STK3: variants seen among roughly 807,000 people sequenced by gnomAD.
The protein encoded by STK3 is serine/threonine-protein kinase 3.
A neutral mutation model predicts 58.0 loss-of-function variants in STK3; 41 were observed. That is an observed-to-expected ratio of 0.71 (90% CI 0.55 to 0.92). The LOEUF is 0.92. Among genes scored for constraint, STK3 ranks in the 40% least tolerant of loss-of-function variants. STK3 has a pLI of 0.00. For missense variants in STK3, 479 were observed against 602.7 expected (o/e 0.79, Z 2.15); for synonymous variants, 170 against 191.0 (o/e 0.89, Z 0.91).
intron 10 of STK3, among the ~76,000 whole-genome samples, chr8:98,502,677 A>G (rs532923454): frequency 1.3e-5 from 2 of 152,188 alleles, no homozygotes; most frequent in African/African-American, 4.8e-5. Flanking sequence ...GGTTTTTGTC[A>G]TTGATTCTGT....
intron 3 of STK3, among the ~76,000 whole-genome samples, chr8:98,873,770 C>T (rs1485114837): frequency 1.3e-5 from 2 of 152,108 alleles, no homozygotes; most frequent in African/African-American, 2.4e-5. Context: ...AAATACAGCA[C>T]ACTGATGGGT....
At chr8:98,754,758 C>T (rs963582326) in intron 3 of STK3, among the ~76,000 whole-genome samples, 3 of 152,072 alleles carry the variant, frequency 2.0e-5, no homozygotes, top group Non-Finnish European at 4.4e-5. Flanking sequence ...GTTCTGCCTG[C>T]CTCAGCTTCC....
At chr8:98,609,461 A>C (rs937067444) in intron 6 of STK3, among the ~76,000 whole-genome samples, 5 of 152,216 alleles carry the variant, frequency 3.3e-5, no homozygotes, top group Admixed American at 3.3e-4. Context: ...TGCATTAGCT[A>C]TAACAATAAA....
At chr8:98,517,038 T>C (rs949302217) in intron 10 of STK3, among the ~76,000 whole-genome samples, 1 of 152,028 alleles carries the variant, frequency 6.6e-6, no homozygotes, top group African/African-American at 2.4e-5. Context: ...AATTTCAACA[T>C]GCACCATTAC....
intron 1 of STK3, among the ~76,000 whole-genome samples, chr8:98,918,549 C>A (rs1218972293): frequency 1.3e-5 from 2 of 152,028 alleles, no homozygotes; most frequent in African/African-American, 2.4e-5. Context: ...GCAGGAGGAC[C>A]GCTTGAGCCT....
chr8:98,426,927 G>T (rs1474454186), intron 3 of STK3: 11 of 151,500 alleles, frequency 7.3e-5, no homozygotes, highest in Admixed American at 2.6e-4. Context: ...CCCGGGCGGC[G>T]GCCGAGGCAC....
intron 6 of STK3, among the ~76,000 whole-genome samples, chr8:98,661,180 A>T (rs181954473): frequency 6.6e-6 from 1 of 151,530 alleles, no homozygotes; most frequent in South Asian, 2.1e-4. Context: ...TAAATACTGA[A>T]CCTGTTTTAA....
intron 10 of STK3, among the ~76,000 whole-genome samples, chr8:98,462,242 G>C (rs1820046461): frequency 1.3e-5 from 2 of 152,104 alleles, no homozygotes; most frequent in Admixed American, 1.3e-4. Context: ...CTGGAGTGCA[G>C]TGGTGTGATC....
chr8:98,346,229 G>A, the STK3 span, among the ~76,000 whole-genome samples: 9 of 150,738 alleles, frequency 6.0e-5, no homozygotes, highest in African/African-American at 9.8e-5. Flanking sequence ...ATGTTGCACT[G>A]AGCTGAGATC....
chr8:98,487,489 C>T (rs1291079990), intron 10 of STK3, among the ~76,000 whole-genome samples: 2 of 152,194 alleles, frequency 1.3e-5, no homozygotes, highest in African/African-American at 2.4e-5. Context: ...GAATTGATAT[C>T]TCCAGTCTGC....
chr8:98,649,827 CAAT>C (rs1320765654), intron 6 of STK3, among the ~76,000 whole-genome samples: 1 of 152,136 alleles, frequency 6.6e-6, no homozygotes, highest in East Asian at 1.9e-4. Flanking sequence ...CATGGCAACA[CAAT>C]ATTATAAGAA....
Position 98,864,139 on chromosome 8 carries a change from A to G in STK3, c.110+19508T>C, listed in dbSNP as rs1837041258. On this transcript the variant is annotated intron_variant, in intron 3 of 12. Transcript: ENST00000523601. ...GCATGAATCGGGAGGCGGAGCTTGCAGTGAGCCTAGATTGCACCACTGCAC... is the reference window on the plus strand; with the variant it reads ...GCATGAATCGGGAGGCGGAGCTTGCGGTGAGCCTAGATTGCACCACTGCAC... 2.1e-5 allele frequency among the ~76,000 whole-genome samples: 3 copies of G among 140,814 alleles called. 1 individual carries two copies. The South Asian group carries it at 7.1e-4, about 33-fold the overall frequency. The allele number at this position is 140,814 out of a possible 152,430, so 92.4% of individuals were successfully genotyped here. A position where few individuals can be genotyped will look rare whatever the true frequency, so the allele number is the denominator to read the frequency against.
At chr8:98,867,582 A>C (rs76356083) in intron 3 of STK3, among the ~76,000 whole-genome samples, 1 of 152,140 alleles carries the variant, frequency 6.6e-6, no homozygotes, top group Non-Finnish European at 1.5e-5. Flanking sequence ...AAAAAAAAAA[A>C]GCTGGAGACA....
chr8:98,463,857 T>A (rs946327061), intron 10 of STK3, among the ~76,000 whole-genome samples: 3 of 152,178 alleles, frequency 2.0e-5, no homozygotes, highest in African/African-American at 7.2e-5. Context: ...TGTAATAACA[T>A]TTCAAGACCT....
intron 8 of STK3, among the ~76,000 whole-genome samples, chr8:98,555,527 C>T (rs1366577290): frequency 6.6e-6 from 1 of 152,012 alleles, no homozygotes; most frequent in Non-Finnish European, 1.5e-5. Flanking sequence ...ACATTAAACA[C>T]TTCTTTATTG....
intron 8 of STK3, among the ~76,000 whole-genome samples, chr8:98,565,138 A>C (rs1812370399): frequency 6.6e-6 from 1 of 152,184 alleles, no homozygotes; most frequent in African/African-American, 2.4e-5. Flanking sequence ...ACTACAACCC[A>C]TAAGTCAGTG....
intron 6 of STK3, among the ~76,000 whole-genome samples, chr8:98,660,839 T>C (rs913795882): frequency 2.1e-4 from 32 of 152,176 alleles, no homozygotes; most frequent in African/African-American, 7.0e-4. Context: ...ATCATCACTG[T>C]AGAAGCCTCT....
At chr8:98,767,439 T>C (rs889414102) in intron 2 of STK3, 68 bp from the exon 3 acceptor site, 5 of 1,413,294 alleles carry the variant, frequency 3.5e-6, no homozygotes, top group Non-Finnish European at 4.7e-6. Flanking sequence ...AAGTCTACTA[T>C]GAGTTTTCTG....
At chr8:98,364,129 T>C in the STK3 span, among the ~76,000 whole-genome samples, 3 of 152,120 alleles carry the variant, frequency 2.0e-5, no homozygotes, top group Non-Finnish European at 4.4e-5. Context: ...TGGAGGCATC[T>C]CCAGACAGCC....
Sources: gnomAD v4.1 joint callset for allele counts (sites outside exome capture counted in the v4.1 genomes callset) on GRCh38, gnomAD v4.1.1 for gene constraint, MANE v1.5 for transcripts, NCBI Gene and HGNC (gene_info 2026-07-23, HGNC 2026-07-21) for gene names.